The following CDH13 variants were observed in gnomAD, a reference collection of about 807,000 sequenced individuals.
CDH13 encodes the protein cadherin-13.
Under a neutral mutation model 63.8 loss-of-function variants are expected in CDH13, and 24 were observed. The observed-to-expected ratio is 0.38, with a 90% CI of 0.27 to 0.53. The LOEUF (loss-of-function observed/expected upper bound fraction) is 0.53. CDH13 is among the 20% of genes least tolerant of loss of function. The probability of loss-of-function intolerance (pLI) is 0.85; values close to 1 mark genes in which losing one functional copy is unlikely to be tolerated. For missense variants in CDH13, 1,049 were observed against 903.1 expected (o/e 1.16, Z -2.07); for synonymous variants, 503 against 355.3 (o/e 1.42, Z -4.67).
chr16:83,719,591 G>A (rs1909409009), intron 10 of CDH13, among the ~76,000 whole-genome samples: 1 of 152,154 alleles, frequency 6.6e-6, no homozygotes, highest in Non-Finnish European at 1.5e-5. Context: ...TAGCTACCGA[G>A]CGCTTCCTGC....
At chr16:82,987,738 G>C (rs190666988) in intron 2 of CDH13, among the ~76,000 whole-genome samples, 29 of 152,320 alleles carry the variant, frequency 1.9e-4, no homozygotes, top group African/African-American at 7.0e-4. Context: ...GAATCGCAAA[G>C]AGTGTAAGGA....
intron 1 of CDH13, among the ~76,000 whole-genome samples, chr16:82,673,352 C>A (rs976439439): frequency 6.6e-6 from 1 of 152,130 alleles, no homozygotes; most frequent in South Asian, 2.1e-4. Context: ...GAACTGAGAA[C>A]ACTAATGCCA....
chr16:83,716,353 C>G (rs1369530940), intron 10 of CDH13, among the ~76,000 whole-genome samples: 1 of 152,212 alleles, frequency 6.6e-6, no homozygotes, highest in African/African-American at 2.4e-5. Context: ...TGTATAACAG[C>G]ATGCATCCAC....
At chr16:83,266,695 C>T (rs1385504153) in intron 5 of CDH13, among the ~76,000 whole-genome samples, 1 of 152,156 alleles carries the variant, frequency 6.6e-6, no homozygotes, top group Non-Finnish European at 1.5e-5. Flanking sequence ...CCAATATTTC[C>T]GATATGGATG....
chr16:82,695,578 T>A (rs981641958), intron 1 of CDH13, among the ~76,000 whole-genome samples: 2 of 152,192 alleles, frequency 1.3e-5, no homozygotes. Flanking sequence ...AACCATCTCA[T>A]GGCATTGTTG....
intron 2 of CDH13, among the ~76,000 whole-genome samples, chr16:83,023,689 A>G (rs928288657): frequency 6.6e-6 from 1 of 152,238 alleles, no homozygotes; most frequent in Non-Finnish European, 1.5e-5. Context: ...CTCAATTCAC[A>G]TATGGTCTTG....
chr16:82,886,944 C>T (rs1323270064), intron 2 of CDH13, among the ~76,000 whole-genome samples: 1 of 152,200 alleles, frequency 6.6e-6, no homozygotes, highest in African/African-American at 2.4e-5. Flanking sequence ...CTACTCCATT[C>T]TGTATGCCTT....
chr16:82,830,668 A>G (rs1293276631), intron 1 of CDH13, among the ~76,000 whole-genome samples: 1 of 152,340 alleles, frequency 6.6e-6, no homozygotes, highest in East Asian at 1.9e-4. Flanking sequence ...ACATGCCATG[A>G]TGGCATGGAC....
intron 2 of CDH13, among the ~76,000 whole-genome samples, chr16:82,877,152 C>T (rs1567622715): frequency 6.6e-6 from 1 of 152,170 alleles, no homozygotes; most frequent in Non-Finnish European, 1.5e-5. Context: ...GGTATAGCCT[C>T]AAGCAATTTA....
chr16:82,987,612 G>C (rs572781427), intron 2 of CDH13, among the ~76,000 whole-genome samples: 2 of 152,248 alleles, frequency 1.3e-5, no homozygotes, highest in African/African-American at 4.8e-5. Context: ...CCTGACCTCA[G>C]GTGATCTGCC....
At chr16:83,078,281 C>T (rs572575299) in intron 3 of CDH13, among the ~76,000 whole-genome samples, 3 of 152,120 alleles carry the variant, frequency 2.0e-5, no homozygotes, top group Non-Finnish European at 4.4e-5. Flanking sequence ...AACAAGCAGT[C>T]CCCAACCTTT....
At chr16:82,894,362 G>A (rs985976221) in intron 2 of CDH13, among the ~76,000 whole-genome samples, 7 of 152,278 alleles carry the variant, frequency 4.6e-5, no homozygotes, top group East Asian at 1.9e-4. Context: ...CAATAATAGG[G>A]CAGGCGTGGT....
rs56382330 is a variant in CDH13 at position 83,271,422 on chromosome 16, T to TAAAAAAAAAAAAAAAAAAAAAAAAAA, written c.636+53930_636+53955dup. Among the ~76,000 whole-genome samples, 4 of 26,032 alleles carry TAAAAAAAAAAAAAAAAAAAAAAAAAA rather than the reference T, an allele frequency of 1.5e-4. 1 individual carries two copies. Among genetic ancestry groups the TAAAAAAAAAAAAAAAAAAAAAAAAAA allele is most frequent in the African/African-American group, 2.7e-4 (2 of 7,480 alleles). 17.1% of individuals were successfully genotyped at this position (26,032 alleles called of 152,430 possible). A position where few individuals can be genotyped will look rare whatever the true frequency, so the allele number is the denominator to read the frequency against. On this transcript the variant is annotated intron_variant, in intron 5 of 13. Transcript: ENST00000567109. ...CTACCGCACATTGAGGCAGAGTTCA[T>TAAAAAAAAAAAAAAAAAAAAAAAAAA]AAAAAAAAAAAAAAAAAAAAAAAAA...
chr16:83,456,062 C>A (rs548376913), intron 6 of CDH13, among the ~76,000 whole-genome samples: 1 of 152,332 alleles, frequency 6.6e-6, no homozygotes, highest in Non-Finnish European at 1.5e-5. Context: ...CACCTGCGTT[C>A]CAATATCCAG....
intron 4 of CDH13, among the ~76,000 whole-genome samples, chr16:83,206,685 T>C (rs2039193025): frequency 6.6e-6 from 1 of 152,238 alleles, no homozygotes; most frequent in Non-Finnish European, 1.5e-5. Flanking sequence ...ATCAGAGAGA[T>C]GGCTCTTAAA....
chr16:82,951,469 G>A (rs1382215430), intron 2 of CDH13, among the ~76,000 whole-genome samples: 2 of 152,180 alleles, frequency 1.3e-5, no homozygotes, highest in African/African-American at 2.4e-5. Flanking sequence ...CTCCCAAGCC[G>A]AGGACACAGC....
At chr16:83,532,867 G>A (rs539493538) in intron 7 of CDH13, among the ~76,000 whole-genome samples, 103 of 152,196 alleles carry the variant, frequency 6.8e-4, no homozygotes, top group African/African-American at 2.4e-3. Flanking sequence ...CCCGGCAGAC[G>A]GAATTCAGCA....
Position 83,216,412 on chromosome 16 carries a change from A to G in CDH13, c.484-933A>G, listed in dbSNP as rs867276465. On this transcript the variant is annotated intron_variant, in intron 4 of 13. Transcript: ENST00000567109. ...CCAGCATTGAAATATATATATATAT[A>G]TATATATATATATATATATATATAT... is the stretch of plus-strand genomic sequence containing the variant. Among the ~76,000 whole-genome samples, 707 of 83,182 alleles carry G rather than the reference A, an allele frequency of 8.5e-3. 54 individuals carry two copies. Among genetic ancestry groups the G allele is most frequent in the African/African-American group, 0.028 (598 of 21,634 alleles). 54.6% of individuals were successfully genotyped at this position (83,182 alleles called of 152,430 possible). A position where few individuals can be genotyped will look rare whatever the true frequency, so the allele number is the denominator to read the frequency against.
intron 2 of CDH13, among the ~76,000 whole-genome samples, chr16:82,990,733 G>A (rs898827185): frequency 1.5e-4 from 23 of 152,038 alleles, no homozygotes; most frequent in African/African-American, 5.5e-4. Context: ...TATTGTAGAG[G>A]TGGGGTCTTG....
Sources: allele counts gnomAD v4.1 joint callset (sites outside exome capture counted in the v4.1 genomes callset), GRCh38; gene constraint gnomAD v4.1.1; transcripts MANE v1.5; gene names NCBI Gene and HGNC (gene_info 2026-07-23, HGNC 2026-07-21).